Variants in GLRA3 observed in about 807,000 individuals in gnomAD.
GLRA3 encodes the protein glycine receptor alpha 3.
Under a neutral mutation model 60.4 loss-of-function variants are expected in GLRA3, and 44 were observed. The observed-to-expected ratio is 0.73, with a 90% CI of 0.57 to 0.94. The LOEUF (loss-of-function observed/expected upper bound fraction) is 0.94. GLRA3 is among the 40% of genes least tolerant of loss of function. GLRA3 has a pLI of 0.00. For missense variants in GLRA3, 508 were observed against 564.6 expected (o/e 0.90, Z 1.02); for synonymous variants, 223 against 192.9 (o/e 1.16, Z -1.29).
chr4:174,692,950 A>T (rs1052836333), intron 5 of GLRA3, among the ~76,000 whole-genome samples: 11 of 151,832 alleles, frequency 7.2e-5, no homozygotes, highest in South Asian at 4.2e-4. Context: ...AAAAAAATAA[A>T]AAAAAAAAAA....
intron 4 of GLRA3, among the ~76,000 whole-genome samples, chr4:174,727,541 C>G: frequency 6.6e-6 from 1 of 152,170 alleles, no homozygotes; most frequent in East Asian, 1.9e-4. Context: ...GACATGAATT[C>G]TGTTCTTACG....
intron 3 of GLRA3, among the ~76,000 whole-genome samples, chr4:174,734,793 T>C (rs747440473): frequency 6.6e-6 from 1 of 152,152 alleles, no homozygotes; most frequent in Non-Finnish European, 1.5e-5. Flanking sequence ...CTGTATTCCA[T>C]TAAGAATACT....
At chr4:174,658,208 A>C (rs1280622204) in intron 8 of GLRA3, among the ~76,000 whole-genome samples, 1 of 152,148 alleles carries the variant, frequency 6.6e-6, no homozygotes, top group African/African-American at 2.4e-5. Context: ...AATTACACAA[A>C]ATTTTGACAT....
chr4:174,639,072 T>A lies in GLRA3; in HGVS notation c.*4714A>T, dbSNP rs1406210018. 3 of 152,198 alleles carry A rather than the reference T, an allele frequency of 2.0e-5. No individual in the cohort carries two copies. The highest frequency in any genetic ancestry group is 2.0e-4 in the Admixed American group (3 of 15,274). The allele number at this position is 152,198 out of a possible 1,614,324, so 9.4% of individuals were successfully genotyped here. On this transcript the variant is annotated 3_prime_UTR_variant, in exon 10 of 10. Coordinates refer to ENST00000274093, the MANE Select transcript of GLRA3 (RefSeq NM_006529.4). Reference sequence around the variant, plus strand: ...GTCATCCAATATTACTAGCTGTCTTTTGAAAAAGGTTTTTGACAGTTATTT... The same window carrying A: ...GTCATCCAATATTACTAGCTGTCTTATGAAAAAGGTTTTTGACAGTTATTT...
intron 5 of GLRA3, among the ~76,000 whole-genome samples, chr4:174,692,275 C>G (rs1734863809): frequency 7.2e-6 from 1 of 139,368 alleles, no homozygotes; most frequent in Admixed American, 7.0e-5. Context: ...GTGGGGGGGT[C>G]AGCACCCCAC....
chr4:174,787,830 T>C (rs1739179059), intron 2 of GLRA3, among the ~76,000 whole-genome samples: 1 of 152,108 alleles, frequency 6.6e-6, no homozygotes, highest in South Asian at 2.1e-4. Flanking sequence ...CATTTTAAAA[T>C]TGAAGCCATT....
At chr4:174,707,507 G>A (rs1735560472) in intron 5 of GLRA3, among the ~76,000 whole-genome samples, 2 of 152,038 alleles carry the variant, frequency 1.3e-5, no homozygotes, top group Non-Finnish European at 1.5e-5. Context: ...GTAACAGAAT[G>A]ATTGGCACTG....
intron 5 of GLRA3, among the ~76,000 whole-genome samples, chr4:174,697,775 C>T (rs1735119785): frequency 6.6e-6 from 1 of 152,128 alleles, no homozygotes; most frequent in Non-Finnish European, 1.5e-5. Context: ...TAACTTTGTT[C>T]ATATTTCTCA....
At chr4:174,739,582 C>T (rs1736930691) in intron 3 of GLRA3, among the ~76,000 whole-genome samples, 1 of 151,962 alleles carries the variant, frequency 6.6e-6, no homozygotes, top group Admixed American at 6.6e-5. Context: ...ATCTTGATTC[C>T]CAACCCAAGG....
At chr4:174,789,655 C>T (rs1252887587) in intron 1 of GLRA3, among the ~76,000 whole-genome samples, 1 of 152,166 alleles carries the variant, frequency 6.6e-6, no homozygotes, top group Middle Eastern at 3.4e-3. Context: ...CCTTTGTGTC[C>T]AGCCACTTAT....
chr4:174,741,125 C>T (rs1478101129), intron 3 of GLRA3, among the ~76,000 whole-genome samples: 2 of 152,056 alleles, frequency 1.3e-5, no homozygotes, highest in Non-Finnish European at 2.9e-5. Context: ...ATATTAAGTG[C>T]ATGTTTACAT....
intron 1 of GLRA3, among the ~76,000 whole-genome samples, chr4:174,816,330 A>T (rs1231041829): frequency 3.3e-5 from 5 of 152,228 alleles, no homozygotes; most frequent in African/African-American, 1.2e-4. Flanking sequence ...CAACTGGATG[A>T]AACGTCCAAG....
rs1737273267 is a variant in GLRA3 at position 174,746,867 on chromosome 4, G to T, written c.268-18169C>A. Reference sequence around the variant, plus strand: ...ATCATTATATTAGGTTGGTGCAAAAGTAATTGTCATTACTTTTAATGGTGA... The same window carrying T: ...ATCATTATATTAGGTTGGTGCAAAATTAATTGTCATTACTTTTAATGGTGA... On this transcript the variant is annotated intron_variant, in intron 3 of 9. Coordinates refer to ENST00000274093, the MANE Select transcript of GLRA3 (RefSeq NM_006529.4). 2.0e-5 allele frequency among the ~76,000 whole-genome samples: 3 copies of T among 152,026 alleles called. No homozygotes were observed. In the South Asian group the frequency reaches 6.2e-4, roughly 31 times the overall value.
In GLRA3 at chr4:174,766,965, TG is replaced by T; in HGVS notation, c.264del (p.Met89TrpfsTer5). 1.3e-6 allele frequency: 2 copies of T among 1,553,848 alleles called. No homozygotes were observed. The highest frequency in any genetic ancestry group is 8.9e-7 in the Non-Finnish European group (1 of 1,129,236). On this transcript the variant is annotated frameshift_variant, in exon 3 of 10. Coordinates refer to ENST00000274093, the MANE Select transcript of GLRA3 (RefSeq NM_006529.4). LOFTEE classifies it high-confidence loss of function. ...INSFGSIAETTMDYRVNIFLR... is the reference protein window; with the variant it reads ...INSFGSIAETXMDYRVNIFLR... ...TTGTTGCAAAGTAAAATGCCTACCATGGTCGTCTCTGCGATAGAGCCAAAGC... is the reference window on the plus strand; with the variant it reads ...TTGTTGCAAAGTAAAATGCCTACCATGTCGTCTCTGCGATAGAGCCAAAGC...
chr4:174,827,160 TA>T (rs1376661072), intron 1 of GLRA3, among the ~76,000 whole-genome samples: 1 of 151,910 alleles, frequency 6.6e-6, no homozygotes, highest in Non-Finnish European at 1.5e-5. Flanking sequence ...TATTTAACAT[TA>T]AAAAAGATAA....
intron 5 of GLRA3, among the ~76,000 whole-genome samples, chr4:174,697,897 G>C (rs537560504): frequency 6.6e-6 from 1 of 152,116 alleles, no homozygotes. Context: ...ATGAGGAAAG[G>C]CATCGTGGTT....
chr4:174,703,449 T>C (rs12506873), intron 5 of GLRA3, among the ~76,000 whole-genome samples: 31,444 of 152,144 alleles, frequency 0.21, 3,454 homozygotes, highest in East Asian at 0.4. Flanking sequence ...TTATTTTCTC[T>C]AAATTTTTAT....
chr4:174,647,233 C>T lies in GLRA3; in HGVS notation c.1117-3169G>A, dbSNP rs181723532. On this transcript the variant is annotated intron_variant, in intron 9 of 9. Transcript: ENST00000274093. ...ACCAGCCTGGCCAACATGGTGAAACCCCATCTCTACCAAAATTATGAAAAA... is the reference window on the plus strand; with the variant it reads ...ACCAGCCTGGCCAACATGGTGAAACTCCATCTCTACCAAAATTATGAAAAA... Among the ~76,000 whole-genome samples the T allele has an allele frequency of 7.8e-3, 1,179 of 152,082 alleles. 6 individuals carry two copies. Among genetic ancestry groups the T allele is most frequent in the Non-Finnish European group, 0.011 (740 of 67,996 alleles).
At chr4:174,763,068 G>T (rs529635392) in intron 3 of GLRA3, among the ~76,000 whole-genome samples, 1 of 152,050 alleles carries the variant, frequency 6.6e-6, no homozygotes, top group South Asian at 2.1e-4. Context: ...CCATGTTGTT[G>T]CTATGTAATA....
Sources: allele counts gnomAD v4.1 joint callset (sites outside exome capture counted in the v4.1 genomes callset), GRCh38; gene constraint gnomAD v4.1.1; transcripts MANE v1.5; gene names NCBI Gene and HGNC (gene_info 2026-07-23, HGNC 2026-07-21).